Variants in SEMA5B observed in about 807,000 individuals in gnomAD.
SEMA5B encodes the protein semaphorin-5B.
In SEMA5B, 66 loss-of-function variants were observed where a neutral mutation model predicts 135.0. The ratio of observed to expected loss-of-function variants is 0.49; its 90% CI spans 0.40 to 0.60. The LOEUF is 0.60. Among genes scored for constraint, SEMA5B ranks in the 20% least tolerant of loss-of-function variants. The probability of loss-of-function intolerance (pLI) is 0.00; values close to 1 mark genes in which losing one functional copy is unlikely to be tolerated. For synonymous variants in SEMA5B, 690 were observed against 639.5 expected (o/e 1.08, Z -1.19); for missense variants, 1,501 against 1,566.3 (o/e 0.96, Z 0.70).
chr3:123,010,654 C>T (rs898023058), intron 1 of SEMA5B, among the ~76,000 whole-genome samples: 3 of 151,632 alleles, frequency 2.0e-5, no homozygotes, highest in African/African-American at 7.3e-5. Context: ...ACTAAAAATA[C>T]AAAAAATTAG....
At chr3:122,922,835 C>A (rs1374645372) in intron 10 of SEMA5B, among the ~76,000 whole-genome samples, 1 of 151,898 alleles carries the variant, frequency 6.6e-6, no homozygotes, top group Non-Finnish European at 1.5e-5. Flanking sequence ...TGTGTCCTTG[C>A]CAGCTCAAAG....
chr3:123,003,854 A>AAAT (rs1184677211), intron 1 of SEMA5B, among the ~76,000 whole-genome samples: 2 of 110,136 alleles, frequency 1.8e-5, no homozygotes, highest in Non-Finnish European at 3.4e-5. Flanking sequence ...ATAAATAAAT[A>AAAT]AATAATAATA....
At chr3:122,931,854 A>C (rs1187509943) in intron 5 of SEMA5B, among the ~76,000 whole-genome samples, 1 of 152,200 alleles carries the variant, frequency 6.6e-6, no homozygotes, top group East Asian at 1.9e-4. Context: ...CAGGACTCAC[A>C]TTCTTCCCTC....
intron 1 of SEMA5B, among the ~76,000 whole-genome samples, chr3:122,992,425 C>CA (rs1941907492): frequency 6.6e-6 from 1 of 152,198 alleles, no homozygotes; most frequent in South Asian, 2.1e-4. Context: ...GGTTATGCAG[C>CA]AAGAGTACAA....
intron 1 of SEMA5B, among the ~76,000 whole-genome samples, chr3:123,003,815 C>G (rs1942240269): frequency 6.7e-6 from 1 of 149,380 alleles, no homozygotes; most frequent in South Asian, 2.2e-4. Flanking sequence ...GCCTGGGCGA[C>G]AGAGCGAGAC....
Position 123,005,618 on chromosome 3 carries a change from C to G in SEMA5B, c.-39+21846G>C, listed in dbSNP as rs182182962. ...CTCCAATTCCTCTCATTGTAACTGG[C>G]TGAGGTTGAGGGTAGGGAGGTGGAA... On this transcript the variant is annotated intron_variant, in intron 1 of 22. Transcript: ENST00000357599. Among the ~76,000 whole-genome samples the G allele has an allele frequency of 1.3e-5, 2 of 152,262 alleles. 1 individual carries two copies. Among genetic ancestry groups the G allele is most frequent in the East Asian group, 3.9e-4 (2 of 5,190 alleles).
At chr3:123,009,116 C>T (rs1004725165) in intron 1 of SEMA5B, among the ~76,000 whole-genome samples, 1 of 152,114 alleles carries the variant, frequency 6.6e-6, no homozygotes, top group Non-Finnish European at 1.5e-5. Context: ...ATGGACAGAG[C>T]GGCTGGCAGG....
At position 122,913,044 on chromosome 3, in the gene SEMA5B, G is replaced by A. The variant is rs1045154587; in HGVS notation, c.2524C>T (p.Leu842=). The A allele has an allele frequency of 1.3e-6, 2 of 1,552,810 alleles. No homozygotes were observed. Among genetic ancestry groups the A allele is most frequent in the African/African-American group, 2.7e-5 (2 of 73,268 alleles). ...CDTDALVEVL[L]RSGSTSPHTV... ...TGCGGGGAGGTGCTCCCGCTGCGCA[G>A]GAGGACCTCCACCAGGGCTGCGGAG... is the stretch of plus-strand genomic sequence containing the variant. The change falls in exon 18 of 23, where the codon CTG becomes TTG. Residue 842 remains leucine, a synonymous_variant. Transcript: ENST00000357599.
chr3:122,939,520 G>A (rs780879309), intron 4 of SEMA5B, 50 bp from the exon 5 acceptor site: 4 of 1,473,174 alleles, frequency 2.7e-6, no homozygotes, highest in Non-Finnish European at 3.8e-6. Flanking sequence ...CTGCAGGCAG[G>A]ACCCAGGGAG....
intron 1 of SEMA5B, among the ~76,000 whole-genome samples, chr3:122,999,746 C>T (rs1337041696): frequency 4.6e-5 from 7 of 152,170 alleles, no homozygotes; most frequent in Admixed American, 2.0e-4. Context: ...TCTGGTTCCA[C>T]GCTGATACTT....
At chr3:122,920,428 G>A (rs1938290579) in intron 12 of SEMA5B, among the ~76,000 whole-genome samples, 1 of 152,186 alleles carries the variant, frequency 6.6e-6, no homozygotes, top group South Asian at 2.1e-4. Context: ...GAAAGCCTGT[G>A]ATTCATTGCC....
chr3:122,922,283 C>A lies in SEMA5B; in HGVS notation c.1437G>T (p.Val479=). Reference sequence around the variant, plus strand: ...CATGGTAGAGCGTGTCTTTAGCCTGCACCAGGTCCACCACGAGGTGTGAGA... The same window carrying A: ...CATGGTAGAGCGTGTCTTTAGCCTGAACCAGGTCCACCACGAGGTGTGAGA... The part of the protein sequence containing the change: ...VRFSHLVVDL[V]QAKDTLYHVL... Residue 479 remains valine (V), a synonymous_variant, in exon 11 of 23, where the codon GTG becomes GTT. Coordinates refer to ENST00000357599, the MANE Select transcript of SEMA5B (RefSeq NM_001031702.4). 1 of 1,614,048 alleles carries A rather than the reference C, an allele frequency of 6.2e-7. No individual in the cohort carries two copies. The highest frequency in any genetic ancestry group is 8.5e-7 in the Non-Finnish European group (1 of 1,179,948).
At chr3:122,956,415 A>G (rs148477635) in intron 2 of SEMA5B, among the ~76,000 whole-genome samples, 9 of 152,256 alleles carry the variant, frequency 5.9e-5, no homozygotes, top group African/African-American at 2.2e-4. Context: ...CCCAGCACAG[A>G]GATTAGGAAG....
intron 5 of SEMA5B, among the ~76,000 whole-genome samples, chr3:122,930,979 A>G (rs576481170): frequency 1.3e-5 from 2 of 152,190 alleles, no homozygotes; most frequent in African/African-American, 2.4e-5. Context: ...ATATGCCCCC[A>G]AAAAAGTATA....
At chr3:122,955,842 G>A (rs1940268608) in intron 2 of SEMA5B, among the ~76,000 whole-genome samples, 1 of 152,218 alleles carries the variant, frequency 6.6e-6, no homozygotes, top group Non-Finnish European at 1.5e-5. Flanking sequence ...AGTTACCTAA[G>A]TATCTGTTCA....
At chr3:122,937,117 C>T (rs1201602757) in intron 5 of SEMA5B, among the ~76,000 whole-genome samples, 1 of 152,214 alleles carries the variant, frequency 6.6e-6, no homozygotes, top group Non-Finnish European at 1.5e-5. Context: ...AGTGTAGCCC[C>T]AGGCCACAGG....
At chr3:122,995,488 G>C (rs1323809488) in intron 1 of SEMA5B, among the ~76,000 whole-genome samples, 2 of 152,224 alleles carry the variant, frequency 1.3e-5, no homozygotes, top group African/African-American at 4.8e-5. Context: ...TCATGGGTCA[G>C]CCACAGAGGT....
chr3:122,953,717 A>G (rs1026039984), intron 2 of SEMA5B, among the ~76,000 whole-genome samples: 2 of 152,156 alleles, frequency 1.3e-5, no homozygotes, highest in Non-Finnish European at 2.9e-5. Context: ...AAAAAAGAAG[A>G]GTGATTGGTT....
chr3:122,987,022 G>C (rs1429595921), intron 1 of SEMA5B, among the ~76,000 whole-genome samples: 1 of 152,148 alleles, frequency 6.6e-6, no homozygotes. Context: ...TTTCTTGCAG[G>C]CTCCTTGGAG....
Sources: allele counts gnomAD v4.1 joint callset (sites outside exome capture counted in the v4.1 genomes callset), GRCh38; gene constraint gnomAD v4.1.1; transcripts MANE v1.5; gene names NCBI Gene and HGNC (gene_info 2026-07-23, HGNC 2026-07-21).